The following RBL1 variants were observed in gnomAD, a reference collection of about 807,000 sequenced individuals.
The protein encoded by RBL1 is RB transcriptional corepressor like 1.
RBL1 carries 82 observed loss-of-function variants against 123.0 expected under a neutral mutation model. The ratio of observed to expected loss-of-function variants is 0.67; its 90% CI spans 0.56 to 0.80. The LOEUF is 0.80. Ranked by LOEUF, RBL1 falls within the 30% of genes least tolerant of loss-of-function variation. RBL1 has a pLI of 0.00. For missense variants in RBL1, 1,171 were observed against 1,299.6 expected, an observed-to-expected ratio of 0.90 and a Z score of 1.52; for synonymous variants, 405 against 441.3, an observed-to-expected ratio of 0.92 and a Z score of 1.03.
At chr20:37,045,369 G>A (rs2064804975) in intron 12 of RBL1, among the ~76,000 whole-genome samples, 2 of 151,952 alleles carry the variant, frequency 1.3e-5, no homozygotes, top group Admixed American at 1.3e-4. Flanking sequence ...GCCTCCCAAA[G>A]TGCTGGGATT....
At chr20:36,999,663 C>T (rs899398491) in intron 21 of RBL1, among the ~76,000 whole-genome samples, 1 of 152,150 alleles carries the variant, frequency 6.6e-6, no homozygotes, top group African/African-American at 2.4e-5. Context: ...GACTGGTTTT[C>T]GTATTTTTTT....
chr20:37,067,294 C>T lies in RBL1; in HGVS notation c.495G>A (p.Arg165=). The T allele has an allele frequency of 6.3e-7, 1 of 1,596,668 alleles. No individual in the cohort carries two copies. Among genetic ancestry groups the T allele is most frequent in the South Asian group, 1.2e-5 (1 of 86,840 alleles). ...ACAGATCCTTAACACTGCAAGGAAT[C>T]CTCCTAAAAAGGGAAAAAAATTACT... ...PKLPRSRKQR[R]IPCSVKDLFN... The change falls in exon 4 of 22, where the codon AGG becomes AGA. Residue 165 remains arginine, a synonymous_variant. Transcript: ENST00000373664.
At chr20:37,022,907 T>G in intron 16 of RBL1, 81 bp from the exon 17 acceptor site, 1 of 1,104,718 alleles carries the variant, frequency 9.1e-7, no homozygotes, top group South Asian at 1.6e-5. Flanking sequence ...AGACCAAGAT[T>G]AAAAAACATA....
At chr20:37,015,898 T>C (rs1272589720) in intron 19 of RBL1, among the ~76,000 whole-genome samples, 1 of 150,218 alleles carries the variant, frequency 6.7e-6, no homozygotes, top group African/African-American at 2.5e-5. Flanking sequence ...GTAATTTTTG[T>C]AGTTTTAGTA....
At chr20:37,016,452 G>T (rs55972171) in intron 19 of RBL1, among the ~76,000 whole-genome samples, 5 of 152,190 alleles carry the variant, frequency 3.3e-5, no homozygotes, top group Admixed American at 3.3e-4. Context: ...ATTATTAAAA[G>T]ATCTTTTTGG....
At chr20:37,052,602 T>C (rs1441078174) in intron 11 of RBL1, among the ~76,000 whole-genome samples, 1 of 152,148 alleles carries the variant, frequency 6.6e-6, no homozygotes, top group Non-Finnish European at 1.5e-5. Flanking sequence ...TGCCACCTCC[T>C]GGGTTCAAGC....
chr20:37,020,534 G>T, intron 18 of RBL1, 125 bp downstream of exon 18: 1 of 694,992 alleles, frequency 1.4e-6, no homozygotes, highest in African/African-American at 1.9e-5. Flanking sequence ...TGAGTTTAAT[G>T]TTATCCATTA....
At chr20:37,020,923 G>A (rs1311335087) in intron 17 of RBL1, among the ~76,000 whole-genome samples, 193 bp from the exon 18 acceptor site, 1 of 152,024 alleles carries the variant, frequency 6.6e-6, no homozygotes, top group Admixed American at 6.6e-5. Context: ...GGCCTGTGGG[G>A]ACTCACTTAA....
intron 2 of RBL1, among the ~76,000 whole-genome samples, chr20:37,077,730 A>G (rs193057277): frequency 1.4e-4 from 22 of 151,732 alleles, no homozygotes; most frequent in Admixed American, 1.3e-4. Flanking sequence ...GAACCATTTG[A>G]GAGTCACGTT....
At chr20:37,019,880 A>C (rs2064312344) in intron 18 of RBL1, among the ~76,000 whole-genome samples, 1 of 152,136 alleles carries the variant, frequency 6.6e-6, no homozygotes, top group African/African-American at 2.4e-5. Flanking sequence ...TGCTACCATG[A>C]CTGAAAGGTT....
Position 37,047,203 on chromosome 20 carries a change from A to G in RBL1, c.1468-13T>C. On this transcript the variant is annotated splice_polypyrimidine_tract_variant and intron_variant, in intron 11 of 21. Transcript: ENST00000373664. ...GCTCTAAAAGAACCTGGGGGAAGAG[A>G]AAGACCACAGTTTAATATTTTTCAG... The G allele has an allele frequency of 1.3e-6, 2 of 1,575,346 alleles. No homozygotes were observed. Among genetic ancestry groups the G allele is most frequent in the Non-Finnish European group, 1.7e-6 (2 of 1,170,904 alleles).
intron 21 of RBL1, 123 bp from the exon 22 acceptor site, chr20:36,999,052 A>T (rs1352874666): frequency 9.0e-6 from 8 of 891,188 alleles, no homozygotes; most frequent in African/African-American, 3.4e-5. Context: ...TGGGATAAGG[A>T]CTCTTTTTAA....
chr20:37,093,481 A>G (rs1045965235), intron 1 of RBL1, among the ~76,000 whole-genome samples: 1 of 152,068 alleles, frequency 6.6e-6, no homozygotes, highest in Non-Finnish European at 1.5e-5. Flanking sequence ...TCCACAAAAA[A>G]TTGAAAAATT....
At chr20:37,058,341 C>T (rs1164360889) in intron 9 of RBL1, among the ~76,000 whole-genome samples, 1 of 151,358 alleles carries the variant, frequency 6.6e-6, no homozygotes, top group Non-Finnish European at 1.5e-5. Flanking sequence ...CATGGTGAAA[C>T]CCCATCTCTA....
chr20:37,049,815 C>A, intron 11 of RBL1: 1 of 447,354 alleles, frequency 2.2e-6, no homozygotes, highest in Non-Finnish European at 3.9e-6. Context: ...GTAATCCCGG[C>A]ACTTTGGGAG....
Position 37,022,814 on chromosome 20 carries a change from C to A in RBL1, c.2395G>T (p.Ala799Ser), listed in dbSNP as rs763917004. 6.2e-7 allele frequency: 1 copy of A among 1,607,194 alleles called. No individual in the cohort carries two copies. The highest frequency in any genetic ancestry group is 1.1e-5 in the South Asian group (1 of 90,520). Residue 799 changes from alanine to serine, a missense_variant, in exon 17 of 22, where the codon GCA (alanine) becomes TCA (serine). Coordinates refer to ENST00000373664, the MANE Select transcript of RBL1 (RefSeq NM_002895.5). ...CATAGATCACGTAAGCGTACACTTG[C>A]CAAATGATAGACCTAAAATAGAAGG... is the stretch of plus-strand genomic sequence containing the variant. The part of the protein sequence containing the change: ...ALFYRKVYHL[A>S]SVRLRDLCLK...
chr20:37,069,466 T>C (rs950849347), intron 2 of RBL1, among the ~76,000 whole-genome samples: 1 of 148,374 alleles, frequency 6.7e-6, no homozygotes, highest in African/African-American at 2.5e-5. Flanking sequence ...TCGTCTGAGA[T>C]GTGGGGAGCG....
intron 2 of RBL1, among the ~76,000 whole-genome samples, chr20:37,071,969 T>A (rs1222731572): frequency 1.3e-5 from 2 of 152,168 alleles, no homozygotes; most frequent in African/African-American, 2.4e-5. Context: ...TCTCTTTTTT[T>A]AAATAAGTCA....
intron 2 of RBL1, among the ~76,000 whole-genome samples, chr20:37,082,267 A>G (rs1380459265): frequency 6.6e-6 from 1 of 152,210 alleles, no homozygotes; most frequent in Non-Finnish European, 1.5e-5. Flanking sequence ...AGAGCACAGC[A>G]TAGTTCACTG....
Sources: gnomAD v4.1 joint callset for allele counts (sites outside exome capture counted in the v4.1 genomes callset) on GRCh38, gnomAD v4.1.1 for gene constraint, MANE v1.5 for transcripts, NCBI Gene and HGNC (gene_info 2026-07-23, HGNC 2026-07-21) for gene names.